The following PDE5A variants were observed in gnomAD, a reference collection of about 807,000 sequenced individuals.
The protein encoded by PDE5A is phosphodiesterase 5A, also known as cGMP-specific 3',5'-cyclic phosphodiesterase.
A neutral mutation model predicts 110.2 loss-of-function variants in PDE5A; 67 were observed. The ratio of observed to expected loss-of-function variants is 0.61; its 90% CI spans 0.50 to 0.75. The LOEUF is 0.75. Among genes scored for constraint, PDE5A ranks in the 30% least tolerant of loss-of-function variants. The pLI, the probability that PDE5A is intolerant of heterozygous loss-of-function variation, is 0.00. For missense variants in PDE5A, 862 were observed against 1,045.1 expected (o/e 0.82, Z 2.42); for synonymous variants, 328 against 351.2 (o/e 0.93, Z 0.74).
At chr4:119,539,157 TTTC>T in intron 10 of PDE5A, 138 bp from the exon 11 acceptor site, 2 of 704,162 alleles carry the variant, frequency 2.8e-6, no homozygotes, top group Middle Eastern at 2.6e-4. Flanking sequence ...TGTTTGCTGT[TTTC>T]TTCAACAGTG....
At chr4:119,502,747 T>TATC (rs1578721561) in intron 18 of PDE5A, 92 bp from the exon 19 acceptor site, 5 of 768,722 alleles carry the variant, frequency 6.5e-6, no homozygotes, top group Middle Eastern at 4.8e-4. Context: ...AGGAGCTGTA[T>TATC]ATCTCCATTT....
At chr4:119,609,121 C>A (rs1377726454) in intron 1 of PDE5A, among the ~76,000 whole-genome samples, 1 of 151,226 alleles carries the variant, frequency 6.6e-6, no homozygotes, top group African/African-American at 2.4e-5. Context: ...GAGATCGCGC[C>A]ATTGCACTCC....
chr4:119,501,831 TCAACACGACAACTTTGGGAA>T (rs1187225107), intron 19 of PDE5A, among the ~76,000 whole-genome samples: 1 of 152,206 alleles, frequency 6.6e-6, no homozygotes, highest in African/African-American at 2.4e-5. Flanking sequence ...TGTTTGCCCT[TCAACACGACAACTTTGGGAA>T]TTTATGCTAA....
At chr4:119,611,797 G>A (rs1024259986) in intron 1 of PDE5A, among the ~76,000 whole-genome samples, 1 of 152,100 alleles carries the variant, frequency 6.6e-6, no homozygotes, top group Non-Finnish European at 1.5e-5. Flanking sequence ...TTGATTATCT[G>A]AGTCCCTGTA....
chr4:119,613,415 C>T (rs1006395083), intron 1 of PDE5A, among the ~76,000 whole-genome samples: 3 of 151,836 alleles, frequency 2.0e-5, no homozygotes, highest in Non-Finnish European at 4.4e-5. Context: ...CAGAGATTTC[C>T]ACAAGGTACT....
At chr4:119,543,041 A>AACACACAC (rs1343631566) in intron 9 of PDE5A, 67 of 30,954 alleles carry the variant, frequency 2.2e-3, no homozygotes, top group African/African-American at 7.0e-3. Flanking sequence ...CCAGAAGTTA[A>AACACACAC]ACATACACAC....
intron 16 of PDE5A, among the ~76,000 whole-genome samples, chr4:119,506,242 C>G (rs1203998738): frequency 6.6e-6 from 1 of 151,636 alleles, no homozygotes; most frequent in Non-Finnish European, 1.5e-5. Flanking sequence ...AAATTTGATG[C>G]TGAGAATGAT....
At chr4:119,625,145 G>A (rs370979926) in intron 1 of PDE5A, among the ~76,000 whole-genome samples, 5 of 151,972 alleles carry the variant, frequency 3.3e-5, no homozygotes, top group South Asian at 4.2e-4. Flanking sequence ...TTACAGGCGC[G>A]CGCCATACCT....
chr4:119,586,052 C>T (rs1728754636), intron 3 of PDE5A, among the ~76,000 whole-genome samples: 1 of 152,180 alleles, frequency 6.6e-6, no homozygotes, highest in Non-Finnish European at 1.5e-5. Flanking sequence ...CTAAGCCACT[C>T]CAGAATTCCT....
chr4:119,522,291 T>C (rs986940336), intron 12 of PDE5A, among the ~76,000 whole-genome samples: 2 of 152,074 alleles, frequency 1.3e-5, no homozygotes, highest in African/African-American at 4.8e-5. Flanking sequence ...AGATTGAATG[T>C]GTTCACCCCA....
chr4:119,578,553 T>G, intron 3 of PDE5A, among the ~76,000 whole-genome samples: 1 of 152,210 alleles, frequency 6.6e-6, no homozygotes, highest in East Asian at 1.9e-4. Flanking sequence ...AACCATCTGA[T>G]CTTTGACAAA....
At position 119,591,854 on chromosome 4, in the gene PDE5A, A is replaced by C. The variant is rs116077417; in HGVS notation, c.831+4669T>G. Among the ~76,000 whole-genome samples, 572 of 152,218 alleles carry C rather than the reference A, an allele frequency of 3.8e-3. 6 individuals carry two copies. The highest frequency in any genetic ancestry group is 0.013 in the African/African-American group (550 of 41,558). ...AATGGGGAGGGTCAGCAAGATGTTT[A>C]AAAAGCTGTGTTCTGGGCCGGGCGC... On this transcript the variant is annotated intron_variant, in intron 3 of 20. Transcript: ENST00000354960.
intron 17 of PDE5A, among the ~76,000 whole-genome samples, chr4:119,505,264 A>C (rs534301600): frequency 4.0e-5 from 6 of 151,852 alleles, no homozygotes; most frequent in Non-Finnish European, 8.8e-5. Context: ...AGTAGATCCA[A>C]TTTTGTCTTT....
intron 18 of PDE5A, among the ~76,000 whole-genome samples, chr4:119,503,878 ACTT>A (rs977410665): frequency 6.6e-6 from 1 of 152,146 alleles, no homozygotes; most frequent in Admixed American, 6.6e-5. Flanking sequence ...TTTTAATACT[ACTT>A]AAAAATTCCA....
At chr4:119,622,602 G>A (rs976312825) in intron 1 of PDE5A, among the ~76,000 whole-genome samples, 3 of 151,970 alleles carry the variant, frequency 2.0e-5, no homozygotes, top group African/African-American at 4.8e-5. Flanking sequence ...GGCCGGGTGC[G>A]GTGGCTCACG....
Position 119,627,339 on chromosome 4 carries a change from C to A in PDE5A, c.152+1181G>T. On this transcript the variant is annotated intron_variant, in intron 1 of 20. Transcript: ENST00000354960. This position sits in a 1 kb window ranked among gnomAD's most constrained non-coding sequence, Gnocchi z 4.6. ...CCGCCGCCCGTCGCCTCCCGCTCGCCCCGCGCTGCGCCGCCCCCTGGCGGG... is the reference window on the plus strand; with the variant it reads ...CCGCCGCCCGTCGCCTCCCGCTCGCACCGCGCTGCGCCGCCCCCTGGCGGG... The A allele has an allele frequency of 9.1e-7, 1 of 1,101,386 alleles. No individual in the cohort carries two copies. The highest frequency in any genetic ancestry group is 1.1e-6 in the Non-Finnish European group (1 of 900,400). 68.2% of individuals were successfully genotyped at this position (1,101,386 alleles called of 1,614,324 possible).
Position 119,504,583 on chromosome 4 carries a change from C to T in PDE5A, c.2284G>A (p.Ala762Thr), listed in dbSNP as rs746158331. 1.2e-6 allele frequency: 2 copies of T among 1,612,284 alleles called. No homozygotes were observed. The highest frequency in any genetic ancestry group is 1.7e-6 in the Non-Finnish European group (2 of 1,178,960). Residue 762 changes from alanine (A) to threonine (T), a missense_variant, in exon 18 of 21, where the codon GCT becomes ACT. Transcript: ENST00000354960. ...KELFLAMLMT[A>T]CDLSAITKPW... ...TTTGTAATTGCAGAAAGATCACAAG[C>T]TGTCATCAGCATTGCCCTGTTATGG...
At chr4:119,521,563 G>A (rs1726129495) in intron 12 of PDE5A, among the ~76,000 whole-genome samples, 1 of 151,940 alleles carries the variant, frequency 6.6e-6, no homozygotes, top group African/African-American at 2.4e-5. Flanking sequence ...CCTGGGGGTG[G>A]ACTAGTAACA....
chr4:119,556,610 G>A (rs957987282), intron 7 of PDE5A, among the ~76,000 whole-genome samples: 2 of 152,100 alleles, frequency 1.3e-5, no homozygotes, highest in African/African-American at 4.8e-5. Flanking sequence ...TAAGTGATAC[G>A]GTGTAACAAT....
Sources: allele counts gnomAD v4.1 joint callset (sites outside exome capture counted in the v4.1 genomes callset), GRCh38; gene constraint gnomAD v4.1.1; non-coding constraint Gnocchi (gnomAD v3.1); transcripts MANE v1.5; gene names NCBI Gene and HGNC (gene_info 2026-07-23, HGNC 2026-07-21).